SWAP70: variants seen among roughly 807,000 people sequenced by gnomAD.
The protein encoded by SWAP70 is switch-associated protein 70.
In SWAP70, 34 loss-of-function variants were observed where a neutral mutation model predicts 80.2. That is an observed-to-expected ratio of 0.42 (90% CI 0.32 to 0.56). The LOEUF is 0.56. SWAP70 is among the 20% of genes least tolerant of loss of function. The pLI, the probability that SWAP70 is intolerant of heterozygous loss-of-function variation, is 0.09. For synonymous variants in SWAP70, 239 were observed against 238.5 expected, an observed-to-expected ratio of 1.00 and a Z score of -0.02; for missense variants, 578 against 690.7, an observed-to-expected ratio of 0.84 and a Z score of 1.83.
chr11:9,703,477 G>T (rs1462308473), intron 2 of SWAP70: 2 of 456,250 alleles, frequency 4.4e-6, no homozygotes, highest in South Asian at 3.1e-5. Context: ...ATCAAATGCA[G>T]CGAATTTTTG....
chr11:9,724,818 A>G lies in SWAP70; in HGVS notation c.575A>G (p.Asp192Gly). Residue 192 changes from aspartate (D) to glycine (G), a missense_variant, in exon 4 of 12, where the codon GAC becomes GGC. Transcript: ENST00000318950. ...IGNGQFSKGM[D>G]RQTVSMAINE... Reference sequence around the variant, plus strand: ...AATGGACAGTTTAGCAAAGGCATGGACCGGCAGACTGTGTCTATGGCAATT... The same window carrying G: ...AATGGACAGTTTAGCAAAGGCATGGGCCGGCAGACTGTGTCTATGGCAATT... The G allele has an allele frequency of 3.7e-6, 6 of 1,614,130 alleles. No individual in the cohort carries two copies. Among genetic ancestry groups the G allele is most frequent in the East Asian group, 2.2e-5 (1 of 44,872 alleles).
At chr11:9,735,011 A>G (rs1220967413) in intron 7 of SWAP70, among the ~76,000 whole-genome samples, 1 of 152,240 alleles carries the variant, frequency 6.6e-6, no homozygotes, top group Non-Finnish European at 1.5e-5. Context: ...AGAAGGAATA[A>G]GAAATCATGG....
At chr11:9,688,343 G>C (rs563600065) in intron 1 of SWAP70, among the ~76,000 whole-genome samples, 312 of 152,298 alleles carry the variant, frequency 2.0e-3, no homozygotes, top group African/African-American at 7.3e-3. Context: ...GTACTGCTTG[G>C]GAAACAGAGT....
intron 1 of SWAP70, among the ~76,000 whole-genome samples, chr11:9,667,979 C>T (rs1306279544): frequency 6.6e-6 from 1 of 152,224 alleles, no homozygotes; most frequent in Non-Finnish European, 1.5e-5. Flanking sequence ...ACCTCTGCTT[C>T]CTGGGTTCAA....
At chr11:9,691,320 T>C (rs1295543745) in intron 1 of SWAP70, among the ~76,000 whole-genome samples, 1 of 152,196 alleles carries the variant, frequency 6.6e-6, no homozygotes, top group Non-Finnish European at 1.5e-5. Flanking sequence ...GAAATGAGTT[T>C]GGGTTGATAG....
Position 9,740,185 on chromosome 11 carries a change from G to C in SWAP70, c.1193G>C (p.Arg398Thr). ...STELEREKLIRQQMEEQVAQK... is the reference protein window; with the variant it reads ...STELEREKLITQQMEEQVAQK... ...AAGACCCTTTTATACCAACAGATCA[G>C]ACAGCAGATGGAAGAACAGGTTGCT... Residue 398 changes from arginine to threonine, a missense_variant, in exon 9 of 12, where the codon AGA becomes ACA. By Grantham distance (71) the Arg-to-Thr change is moderately conservative. Coordinates refer to ENST00000318950, the MANE Select transcript of SWAP70 (RefSeq NM_015055.4). 6.2e-7 allele frequency: 1 copy of C among 1,613,878 alleles called. No homozygotes were observed. The highest frequency in any genetic ancestry group is 1.3e-5 in the African/African-American group (1 of 75,008).
intron 2 of SWAP70, among the ~76,000 whole-genome samples, chr11:9,699,900 T>C (rs1850810370): frequency 6.7e-6 from 1 of 149,954 alleles, no homozygotes; most frequent in South Asian, 2.1e-4. Flanking sequence ...AGTCTCTAGA[T>C]ACAGACAGTA....
chr11:9,710,713 C>G (rs1850986082), intron 2 of SWAP70, among the ~76,000 whole-genome samples: 1 of 149,812 alleles, frequency 6.7e-6, no homozygotes, highest in Non-Finnish European at 1.5e-5. Flanking sequence ...AGTGTCTTGC[C>G]CTGTCTCCAA....
intron 2 of SWAP70, among the ~76,000 whole-genome samples, chr11:9,704,269 CA>C: frequency 6.6e-6 from 1 of 152,170 alleles, no homozygotes; most frequent in South Asian, 2.1e-4. Context: ...TCAATTTATC[CA>C]GCATTCAATG....
At chr11:9,670,098 C>A (rs998605230) in intron 1 of SWAP70, among the ~76,000 whole-genome samples, 3 of 152,140 alleles carry the variant, frequency 2.0e-5, no homozygotes, top group African/African-American at 7.2e-5. Context: ...TGTACTCCAG[C>A]TGGGGCGACA....
chr11:9,735,892 T>C (rs1304262697), intron 7 of SWAP70, among the ~76,000 whole-genome samples: 3 of 152,142 alleles, frequency 2.0e-5, no homozygotes, highest in African/African-American at 7.2e-5. Flanking sequence ...TGTATTGAAC[T>C]TGAATATGTA....
At chr11:9,721,290 A>T (rs1851131953) in intron 3 of SWAP70, among the ~76,000 whole-genome samples, 1 of 152,102 alleles carries the variant, frequency 6.6e-6, no homozygotes, top group Non-Finnish European at 1.5e-5. Context: ...TTAACAGTAG[A>T]TGACATATCT....
intron 3 of SWAP70, among the ~76,000 whole-genome samples, chr11:9,721,525 G>T (rs1466734628): frequency 6.7e-6 from 1 of 148,282 alleles, no homozygotes; most frequent in Non-Finnish European, 1.5e-5. Context: ...AAGCTCAAGT[G>T]CAGTGTTGTG....
At chr11:9,726,626 C>G (rs764255477) in intron 4 of SWAP70, among the ~76,000 whole-genome samples, 2 of 152,166 alleles carry the variant, frequency 1.3e-5, no homozygotes, top group Non-Finnish European at 2.9e-5. Flanking sequence ...AATATAATAA[C>G]CAACTGAAAC....
chr11:9,692,116 C>CT (rs1458392942), intron 1 of SWAP70, among the ~76,000 whole-genome samples: 1 of 151,744 alleles, frequency 6.6e-6, no homozygotes, highest in African/African-American at 2.4e-5. Context: ...ATATGTCTTC[C>CT]TTTTACACCT....
intron 8 of SWAP70, among the ~76,000 whole-genome samples, chr11:9,738,876 A>G (rs915008983): frequency 9.2e-5 from 14 of 152,108 alleles, no homozygotes; most frequent in Non-Finnish European, 2.1e-4. Context: ...AAGAAAAAAA[A>G]AGAAATTTGT....
At chr11:9,697,109 T>A (rs1240725830) in intron 2 of SWAP70, among the ~76,000 whole-genome samples, 1 of 151,944 alleles carries the variant, frequency 6.6e-6, no homozygotes, top group Non-Finnish European at 1.5e-5. Flanking sequence ...CAAACCTAAA[T>A]ACACAACTAT....
At chr11:9,734,585 C>T (rs1851340410) in intron 7 of SWAP70, among the ~76,000 whole-genome samples, 1 of 152,130 alleles carries the variant, frequency 6.6e-6, no homozygotes. Context: ...AAACACAGTT[C>T]TCCAATTTTT....
At chr11:9,689,973 A>G (rs537117119) in intron 1 of SWAP70, among the ~76,000 whole-genome samples, 2 of 152,332 alleles carry the variant, frequency 1.3e-5, no homozygotes, top group East Asian at 3.9e-4. Flanking sequence ...CTGTTTTTCC[A>G]GAAACAGAGG....
Sources: allele counts gnomAD v4.1 joint callset (sites outside exome capture counted in the v4.1 genomes callset), GRCh38; gene constraint gnomAD v4.1.1; transcripts MANE v1.5; gene names NCBI Gene and HGNC (gene_info 2026-07-23, HGNC 2026-07-21).